FERMT1: variants seen among roughly 807,000 people sequenced by gnomAD.
The protein encoded by FERMT1 is FERM domain containing kindlin 1, also known as fermitin family homolog 1.
In FERMT1, 60 loss-of-function variants were observed where a neutral mutation model predicts 85.3. That is an observed-to-expected ratio of 0.70 (90% CI 0.57 to 0.87). The LOEUF (loss-of-function observed/expected upper bound fraction) is 0.87. Ranked by LOEUF, FERMT1 falls within the 40% of genes least tolerant of loss-of-function variation. The pLI is 0.00. For missense variants in FERMT1, 701 were observed against 818.9 expected (o/e 0.86, Z 1.76); for synonymous variants, 275 against 301.1 (o/e 0.91, Z 0.90).
chr20:6,106,103 TA>T (rs201618344), intron 6 of FERMT1, among the ~76,000 whole-genome samples: 1 of 151,924 alleles, frequency 6.6e-6, no homozygotes, highest in South Asian at 2.1e-4. Flanking sequence ...ACAGTAGAGT[TA>T]AAAAAAAGCC....
At chr20:6,100,611 A>G (rs6053906) in intron 6 of FERMT1, among the ~76,000 whole-genome samples, 17,159 of 152,226 alleles carry the variant, frequency 0.11, 1,178 homozygotes, top group African/African-American at 0.19. Context: ...TGTAAATTAT[A>G]TCTCAAAAAG....
Position 6,110,299 on chromosome 20 carries a change from C to T in FERMT1, c.745G>A (p.Gly249Ser), listed in dbSNP as rs370454892. The part of the protein sequence containing the change: ...SLVDKAKLNA[G>S]WLDSSRSLME... ...AAGTAAAAGGAGCCGTGTCCTTACC[C>T]TGCATTGAGCTTGGCTTTATCAACC... The change falls in exon 5 of 15, where the codon GGT becomes AGT. Residue 249 changes from glycine to serine, a missense_variant and splice_region_variant. Coordinates refer to ENST00000217289, the MANE Select transcript of FERMT1 (RefSeq NM_017671.5). 1.9e-6 allele frequency: 3 copies of T among 1,611,308 alleles called. No individual in the cohort carries two copies. The highest frequency in any genetic ancestry group is 2.5e-6 in the Non-Finnish European group (3 of 1,178,754).
chr20:6,097,695 C>A, intron 6 of FERMT1, 64 bp from the exon 7 acceptor site: 3 of 1,115,238 alleles, frequency 2.7e-6, no homozygotes, highest in East Asian at 2.4e-5. Context: ...TACAAAGATT[C>A]TGAAACAACT....
At chr20:6,097,481 T>G (rs1982538656) in intron 7 of FERMT1, 43 bp downstream of exon 7, 1 of 1,380,558 alleles carries the variant, frequency 7.2e-7, no homozygotes, top group Non-Finnish European at 1.0e-6. Flanking sequence ...AGAACAAACT[T>G]GGTTTGTCTC....
In FERMT1 at chr20:6,076,691, T is replaced by G; in HGVS notation, c.*482A>C. ...GTGTGTGTAGGAACTCCCTCTGCCA[T>G]TTTGAAAAGACAGGAGCTAAAAGCA... On this transcript the variant is annotated 3_prime_UTR_variant, in exon 15 of 15. Transcript: ENST00000217289. 1 of 328,074 alleles carries G rather than the reference T, an allele frequency of 3.0e-6. No individual in the cohort carries two copies. Among genetic ancestry groups the G allele is most frequent in the South Asian group, 2.5e-5 (1 of 39,722 alleles). The allele number at this position is 328,074 out of a possible 1,614,324, so 20.3% of individuals were successfully genotyped here.
At chr20:6,114,094 T>C (rs1188745313) in intron 3 of FERMT1, among the ~76,000 whole-genome samples, 2 of 152,198 alleles carry the variant, frequency 1.3e-5, no homozygotes, top group Non-Finnish European at 2.9e-5. Context: ...TTCGTTCATA[T>C]ACTGCTCAGT....
In FERMT1 at chr20:6,076,581, C is replaced by T; in HGVS notation, c.*592G>A. On this transcript the variant is annotated 3_prime_UTR_variant, in exon 15 of 15. Coordinates refer to ENST00000217289, the MANE Select transcript of FERMT1 (RefSeq NM_017671.5). ...TGTGGACAGATGACACTGAGGGCCA[C>T]TCCTCTGACCTTGGGTTGTCAACTG... is the stretch of plus-strand genomic sequence containing the variant. 1 of 439,968 alleles carries T rather than the reference C, an allele frequency of 2.3e-6. No homozygotes were observed. Among genetic ancestry groups the T allele is most frequent in the Non-Finnish European group, 4.6e-6 (1 of 218,112 alleles). 27.3% of individuals were successfully genotyped at this position (439,968 alleles called of 1,614,324 possible).
intron 4 of FERMT1, among the ~76,000 whole-genome samples, chr20:6,111,778 TA>T (rs1568664191): frequency 6.6e-6 from 1 of 152,074 alleles, no homozygotes. Flanking sequence ...GCATGCCCCA[TA>T]AAAAACTGAA....
At chr20:6,091,937 ATT>A (rs3060080) in intron 9 of FERMT1, among the ~76,000 whole-genome samples, 355 of 142,380 alleles carry the variant, frequency 2.5e-3, no homozygotes, top group Non-Finnish European at 3.4e-3. Flanking sequence ...TCTCGTTAGA[ATT>A]TTTTTTTTTT....
intron 7 of FERMT1, 72 bp from the exon 8 acceptor site, chr20:6,097,105 A>G: frequency 6.7e-7 from 1 of 1,486,318 alleles, no homozygotes; most frequent in Non-Finnish European, 9.4e-7. Context: ...TCCATTAGCC[A>G]TTTTTTTCTT....
intron 11 of FERMT1, 46 bp from the exon 12 acceptor site, chr20:6,085,333 C>CCT: frequency 6.4e-7 from 1 of 1,552,792 alleles, no homozygotes; most frequent in Non-Finnish European, 8.9e-7. Context: ...TGCAAAGCCC[C>CCT]CTGCTGCACA....
intron 14 of FERMT1, 86 bp from the exon 15 acceptor site, chr20:6,077,432 G>A: frequency 7.8e-7 from 1 of 1,287,934 alleles, no homozygotes; most frequent in Non-Finnish European, 1.1e-6. Context: ...CCCTGGAGCT[G>A]AGGGCTGCTG....
At chr20:6,094,845 A>C in intron 9 of FERMT1, 94 bp downstream of exon 9, 1 of 806,600 alleles carries the variant, frequency 1.2e-6, no homozygotes, top group Non-Finnish European at 2.2e-6. Context: ...TGAACCATGA[A>C]CCTGCCTCAG....
intron 2 of FERMT1, among the ~76,000 whole-genome samples, chr20:6,118,917 G>A (rs1033374083): frequency 1.5e-4 from 23 of 151,748 alleles, no homozygotes; most frequent in African/African-American, 5.6e-4. Flanking sequence ...TACCTACTGG[G>A]AAATTTAGCT....
intron 9 of FERMT1, among the ~76,000 whole-genome samples, chr20:6,090,177 G>A (rs1244705871): frequency 2.0e-5 from 3 of 152,008 alleles, no homozygotes; most frequent in Non-Finnish European, 4.4e-5. Flanking sequence ...CTGGTTCAAG[G>A]GGTTCTCCTG....
At position 6,116,387 on chromosome 20, in the gene FERMT1, TAAATC is replaced by T. The variant is rs1272435962; in HGVS notation, c.152-348_152-344del. On this transcript the variant is annotated intron_variant, in intron 2 of 14. Coordinates refer to ENST00000217289, the MANE Select transcript of FERMT1 (RefSeq NM_017671.5). ...GTAAAATAAAAAACATTTAAAAAAT[TAAATC>T]AAATAAAAAAATTTAAAGATAAAAT... Among the ~76,000 whole-genome samples, 3 of 151,732 alleles carry T rather than the reference TAAATC, an allele frequency of 2.0e-5. No individual in the cohort carries two copies. The East Asian group carries it at 5.8e-4, about 29-fold the overall frequency.
intron 6 of FERMT1, among the ~76,000 whole-genome samples, chr20:6,103,522 C>T (rs1217168343): frequency 6.6e-6 from 1 of 152,132 alleles, no homozygotes; most frequent in Non-Finnish European, 1.5e-5. Flanking sequence ...TATACTTTGA[C>T]CTGCAAGCAG....
At chr20:6,122,403 G>C (rs1430271304) in intron 1 of FERMT1, among the ~76,000 whole-genome samples, 1 of 152,208 alleles carries the variant, frequency 6.6e-6, no homozygotes, top group African/African-American at 2.4e-5. Flanking sequence ...ATGGAGAGCA[G>C]GAAGGAGGAA....
In FERMT1 at chr20:6,083,094, T is replaced by A. The variant is rs570732583; in HGVS notation, c.1718+946A>T. Among the ~76,000 whole-genome samples the A allele has an allele frequency of 2.0e-3, 298 of 152,302 alleles. 3 individuals carry two copies. Among genetic ancestry groups the A allele is most frequent in the Middle Eastern group, 6.8e-3 (2 of 294 alleles). On this transcript the variant is annotated intron_variant, in intron 13 of 14. Coordinates refer to ENST00000217289, the MANE Select transcript of FERMT1 (RefSeq NM_017671.5). ...ACCCCGAAATTATAAGATGAGAAAG[T>A]GACAGTACTTGCTGTACTGTAGGAT... is the stretch of plus-strand genomic sequence containing the variant.
Sources: gnomAD v4.1 joint callset for allele counts (sites outside exome capture counted in the v4.1 genomes callset) on GRCh38, gnomAD v4.1.1 for gene constraint, MANE v1.5 for transcripts, NCBI Gene and HGNC (gene_info 2026-07-23, HGNC 2026-07-21) for gene names.